Variants in TLL1 observed in about 807,000 individuals in gnomAD.
TLL1 encodes tolloid-like protein 1.
Under a neutral mutation model 128.2 loss-of-function variants are expected in TLL1, and 49 were observed. The observed-to-expected ratio is 0.38, with a 90% CI of 0.30 to 0.48. The LOEUF is 0.48. Ranked by LOEUF, TLL1 falls within the 20% of genes least tolerant of loss-of-function variation. The pLI is 0.96. For synonymous variants in TLL1, 454 were observed against 418.8 expected (o/e 1.08, Z -1.03); for missense variants, 1,123 against 1,242.0 (o/e 0.90, Z 1.44).
intron 12 of TLL1, among the ~76,000 whole-genome samples, chr4:166,048,223 C>T (rs930885277): frequency 1.6e-5 from 2 of 126,700 alleles, no homozygotes; most frequent in African/African-American, 3.2e-5. Context: ...GCAACAAGAG[C>T]GAAATTCCGT....
intron 18 of TLL1, among the ~76,000 whole-genome samples, 190 bp downstream of exon 18, chr4:166,078,220 G>T (rs1276139754): frequency 6.6e-6 from 1 of 152,040 alleles, no homozygotes; most frequent in Non-Finnish European, 1.5e-5. Context: ...CTGCCACGTT[G>T]TTCTCCTCTA....
intron 1 of TLL1, among the ~76,000 whole-genome samples, chr4:165,888,838 A>G (rs1731272674): frequency 6.6e-6 from 1 of 152,068 alleles, no homozygotes; most frequent in Admixed American, 6.6e-5. Context: ...CTGATTTTGG[A>G]GGGATTATTG....
chr4:165,953,191 A>G (rs1320903520), intron 1 of TLL1, among the ~76,000 whole-genome samples: 2 of 152,168 alleles, frequency 1.3e-5, no homozygotes, highest in African/African-American at 2.4e-5. Flanking sequence ...TGTTGAAACT[A>G]AACTATAGCT....
chr4:166,001,846 T>C (rs1295321831), intron 5 of TLL1, among the ~76,000 whole-genome samples: 2 of 151,676 alleles, frequency 1.3e-5, no homozygotes, highest in African/African-American at 2.4e-5. Context: ...TATCAATCAA[T>C]TGATGAAAAT....
chr4:165,921,523 C>T (rs17047076), intron 1 of TLL1, among the ~76,000 whole-genome samples: 2,622 of 152,226 alleles, frequency 0.017, 89 homozygotes, highest in African/African-American at 0.06. Flanking sequence ...CAAATTGAAA[C>T]GTCTTTTCTG....
At chr4:166,095,135 T>C (rs545632163) in intron 19 of TLL1, among the ~76,000 whole-genome samples, 2 of 152,228 alleles carry the variant, frequency 1.3e-5, no homozygotes, top group African/African-American at 4.8e-5. Context: ...TTTGCTTAGG[T>C]AAATTTATAT....
intron 2 of TLL1, among the ~76,000 whole-genome samples, chr4:165,992,247 G>A (rs536508855): frequency 1.3e-5 from 2 of 151,966 alleles, no homozygotes; most frequent in Admixed American, 6.6e-5. Flanking sequence ...TCCAAATTAC[G>A]TTTTTGATTT....
chr4:165,992,726 T>C (rs1579593540), intron 2 of TLL1, 78 bp from the exon 3 acceptor site: 1 of 1,274,346 alleles, frequency 7.8e-7, no homozygotes, highest in Non-Finnish European at 1.1e-6. Context: ...AGAGAAATCA[T>C]TGTTGCCTAT....
intron 18 of TLL1, among the ~76,000 whole-genome samples, chr4:166,087,308 T>C (rs1400543865): frequency 6.6e-6 from 1 of 152,142 alleles, no homozygotes; most frequent in African/African-American, 2.4e-5. Context: ...CAAAAACATC[T>C]ACAACTGTTA....
At chr4:165,918,194 AT>A (rs1007144402) in intron 1 of TLL1, among the ~76,000 whole-genome samples, 2 of 151,872 alleles carry the variant, frequency 1.3e-5, no homozygotes, top group African/African-American at 4.8e-5. Context: ...TCGTTGTGTA[AT>A]TTTTTTTGGT....
At chr4:166,063,036 C>T (rs1740404492) in intron 15 of TLL1, among the ~76,000 whole-genome samples, 1 of 152,002 alleles carries the variant, frequency 6.6e-6, no homozygotes, top group Admixed American at 6.6e-5. Context: ...GATTTGCTAA[C>T]ATCAGAGTGA....
At chr4:166,073,297 C>T (rs572269504) in intron 16 of TLL1, among the ~76,000 whole-genome samples, 13 of 152,222 alleles carry the variant, frequency 8.5e-5, no homozygotes, top group Non-Finnish European at 1.9e-4. Flanking sequence ...ACTGTCCACC[C>T]ATTCTGTAGA....
intron 12 of TLL1, among the ~76,000 whole-genome samples, chr4:166,045,843 A>G (rs1051715596): frequency 1.2e-4 from 18 of 151,988 alleles, no homozygotes; most frequent in African/African-American, 4.1e-4. Flanking sequence ...CTATTACTTT[A>G]TTTGGATCTC....
At chr4:165,901,055 C>T (rs1363500830) in intron 1 of TLL1, among the ~76,000 whole-genome samples, 4 of 151,866 alleles carry the variant, frequency 2.6e-5, no homozygotes, top group Non-Finnish European at 4.4e-5. Context: ...GTTTGCTGCA[C>T]GAAGTTCTCG....
chr4:165,916,589 A>C (rs1732785666), intron 1 of TLL1, among the ~76,000 whole-genome samples: 1 of 152,170 alleles, frequency 6.6e-6, no homozygotes, highest in African/African-American at 2.4e-5. Context: ...GATAAAGGAT[A>C]TATGTAGGGG....
intron 19 of TLL1, among the ~76,000 whole-genome samples, chr4:166,091,830 T>C (rs1367604773): frequency 6.6e-6 from 1 of 152,080 alleles, no homozygotes; most frequent in Non-Finnish European, 1.5e-5. Flanking sequence ...TTATTTGGTA[T>C]GCAACATGAT....
chr4:165,955,058 G>A (rs538430793), intron 1 of TLL1, among the ~76,000 whole-genome samples: 78 of 152,198 alleles, frequency 5.1e-4, no homozygotes, highest in African/African-American at 1.8e-3. Context: ...TTGAAAGACA[G>A]CGTAGCCATC....
chr4:166,093,605 T>C (rs1371614008), intron 19 of TLL1, among the ~76,000 whole-genome samples: 5 of 152,104 alleles, frequency 3.3e-5, no homozygotes, highest in Non-Finnish European at 1.5e-5. Flanking sequence ...TGCAAGAGGC[T>C]TTCCTCTTTT....
At chr4:166,080,677 T>C (rs1741246817) in intron 18 of TLL1, among the ~76,000 whole-genome samples, 1 of 152,148 alleles carries the variant, frequency 6.6e-6, no homozygotes, top group South Asian at 2.1e-4. Context: ...GTTAGGTTAT[T>C]AGTGTATTTA....
Sources: gnomAD v4.1 joint callset for allele counts (sites outside exome capture counted in the v4.1 genomes callset) on GRCh38, gnomAD v4.1.1 for gene constraint, MANE v1.5 for transcripts, NCBI Gene and HGNC (gene_info 2026-07-23, HGNC 2026-07-21) for gene names.